GALNT17: variants seen among roughly 807,000 people sequenced by gnomAD.
GALNT17 encodes the protein UDP-GalNAc:polypeptide N-acetylgalactosaminyltransferase-like 3.
GALNT17 carries 29 observed loss-of-function variants against 63.7 expected under a neutral mutation model. The observed-to-expected ratio is 0.46, with a 90% CI of 0.34 to 0.62. GALNT17 has a LOEUF of 0.62. Ranked by LOEUF, GALNT17 falls within the 20% of genes least tolerant of loss-of-function variation. The pLI, the probability that GALNT17 is intolerant of heterozygous loss-of-function variation, is 0.01. For synonymous variants in GALNT17, 305 were observed against 318.3 expected, an observed-to-expected ratio of 0.96 and a Z score of 0.45; for missense variants, 603 against 799.6, an observed-to-expected ratio of 0.75 and a Z score of 2.97.
At chr7:71,682,793 C>A in intron 9 of GALNT17, among the ~76,000 whole-genome samples, 1 of 152,092 alleles carries the variant, frequency 6.6e-6, no homozygotes, top group Non-Finnish European at 1.5e-5. Context: ...CTCTGGAACT[C>A]CTGATCTCAG....
At chr7:71,683,517 A>C (rs1247827304) in intron 9 of GALNT17, among the ~76,000 whole-genome samples, 2 of 152,218 alleles carry the variant, frequency 1.3e-5, no homozygotes, top group Non-Finnish European at 2.9e-5. Context: ...ATTATCAAAC[A>C]GCAATTAAAC....
At chr7:71,482,296 C>T (rs1233380149) in intron 5 of GALNT17, among the ~76,000 whole-genome samples, 2 of 151,990 alleles carry the variant, frequency 1.3e-5, no homozygotes, top group Non-Finnish European at 2.9e-5. Flanking sequence ...ATTACAGGCA[C>T]CTGCCACCAC....
intron 1 of GALNT17, among the ~76,000 whole-genome samples, chr7:71,235,888 G>C (rs1326912627): frequency 6.6e-6 from 1 of 152,130 alleles, no homozygotes; most frequent in Non-Finnish European, 1.5e-5. Context: ...CCATTTAAAA[G>C]TCTGCTCTTG....
chr7:71,424,644 TCTTAA>T (rs766346655), intron 5 of GALNT17, among the ~76,000 whole-genome samples: 21 of 152,232 alleles, frequency 1.4e-4, no homozygotes, highest in South Asian at 2.1e-4. Flanking sequence ...TTTTAATGTG[TCTTAA>T]CTTACGGAAT....
At chr7:71,693,414 A>C (rs1041264860) in intron 9 of GALNT17, among the ~76,000 whole-genome samples, 2 of 151,402 alleles carry the variant, frequency 1.3e-5, no homozygotes, top group African/African-American at 4.9e-5. Flanking sequence ...TGTCCCTTCA[A>C]TGATAGACTG....
At chr7:71,482,721 A>G (rs1008429195) in intron 5 of GALNT17, among the ~76,000 whole-genome samples, 4 of 152,142 alleles carry the variant, frequency 2.6e-5, no homozygotes, top group South Asian at 4.1e-4. Context: ...GCAGCCCCCA[A>G]TCTTTTTAGC....
intron 1 of GALNT17, among the ~76,000 whole-genome samples, chr7:71,142,330 C>G (rs1414161064): frequency 6.6e-6 from 1 of 152,170 alleles, no homozygotes; most frequent in African/African-American, 2.4e-5. Context: ...ATCCTTCTCT[C>G]TTCCATGTGT....
At chr7:71,299,281 C>T (rs554006604) in intron 1 of GALNT17, among the ~76,000 whole-genome samples, 27 of 152,216 alleles carry the variant, frequency 1.8e-4, no homozygotes, top group Admixed American at 1.4e-3. Context: ...TGTTTTAATC[C>T]GCTGGGACTA....
rs373159168 is a variant in GALNT17 at position 71,533,155 on chromosome 7, C to T, written c.963-38130C>T. On this transcript the variant is annotated intron_variant, in intron 5 of 10. Transcript: ENST00000333538. Reference sequence around the variant, plus strand: ...GAAGCTGAGGACTTGAGGCAGGAACCAACACAAGTTAGTAATATGGTGACT... The same window carrying T: ...GAAGCTGAGGACTTGAGGCAGGAACTAACACAAGTTAGTAATATGGTGACT... Among the ~76,000 whole-genome samples, 57 of 152,196 alleles carry T rather than the reference C, an allele frequency of 3.7e-4. No individual in the cohort carries two copies. In the South Asian group the frequency reaches 8.3e-3, roughly 22 times the overall value.
chr7:71,247,023 C>A (rs549982907), intron 1 of GALNT17, among the ~76,000 whole-genome samples: 1 of 152,178 alleles, frequency 6.6e-6, no homozygotes, highest in Non-Finnish European at 1.5e-5. Context: ...GATCTACTTG[C>A]CTCAGCCTCC....
chr7:71,581,022 G>C (rs1307605738), intron 6 of GALNT17, among the ~76,000 whole-genome samples: 2 of 152,132 alleles, frequency 1.3e-5, no homozygotes, highest in South Asian at 2.1e-4. Flanking sequence ...ACAGTTAATT[G>C]ATTCACAGTT....
chr7:71,488,513 T>C (rs1010226127), intron 5 of GALNT17, among the ~76,000 whole-genome samples: 3 of 151,636 alleles, frequency 2.0e-5, no homozygotes, highest in African/African-American at 7.3e-5. Context: ...CTGGAGGGCT[T>C]CTAACACAAT....
intron 2 of GALNT17, among the ~76,000 whole-genome samples, chr7:71,341,888 T>C (rs2116129386): frequency 6.6e-6 from 1 of 152,092 alleles, no homozygotes; most frequent in South Asian, 2.1e-4. Context: ...GACCAAGAGA[T>C]CAATTATTCC....
chr7:71,608,915 G>A (rs1337291620), intron 6 of GALNT17, among the ~76,000 whole-genome samples: 1 of 151,640 alleles, frequency 6.6e-6, no homozygotes, highest in Non-Finnish European at 1.5e-5. Context: ...AGTAGCTGGG[G>A]ACTATAGGTG....
chr7:71,333,773 G>T (rs973570379), intron 1 of GALNT17, among the ~76,000 whole-genome samples: 1 of 152,178 alleles, frequency 6.6e-6, no homozygotes, highest in Admixed American at 6.5e-5. Flanking sequence ...TTACAGGCGT[G>T]AGCCACTGTG....
intron 6 of GALNT17, among the ~76,000 whole-genome samples, chr7:71,593,467 T>C (rs1789841598): frequency 6.6e-6 from 1 of 152,104 alleles, no homozygotes; most frequent in African/African-American, 2.4e-5. Context: ...GGTTTCACCA[T>C]GTTGGCTAGG....
At chr7:71,576,567 T>TGTGTGTGTG (rs1562697675) in intron 6 of GALNT17, among the ~76,000 whole-genome samples, 1 of 71,944 alleles carries the variant, frequency 1.4e-5, no homozygotes, top group Non-Finnish European at 3.0e-5. Context: ...GTGTGTGTGT[T>TGTGTGTGTG]TTGTTTGTTT....
chr7:71,361,022 T>C (rs1032710635), intron 2 of GALNT17, among the ~76,000 whole-genome samples: 25 of 152,272 alleles, frequency 1.6e-4, no homozygotes, highest in African/African-American at 5.5e-4. Flanking sequence ...ATAAAACTTA[T>C]TTGACTAGCT....
chr7:71,703,822 A>G (rs571302772), intron 9 of GALNT17, among the ~76,000 whole-genome samples: 7 of 152,330 alleles, frequency 4.6e-5, no homozygotes, highest in African/African-American at 1.7e-4. Flanking sequence ...AGAGGGTCAG[A>G]GACCGAAGGA....
Sources: gnomAD v4.1 joint callset for allele counts (sites outside exome capture counted in the v4.1 genomes callset) on GRCh38, gnomAD v4.1.1 for gene constraint, MANE v1.5 for transcripts, NCBI Gene and HGNC (gene_info 2026-07-23, HGNC 2026-07-21) for gene names.